DOCK4: variants seen among roughly 807,000 people sequenced by gnomAD.
DOCK4 encodes dedicator of cytokinesis protein 4.
In DOCK4, 97 loss-of-function variants were observed where a neutral mutation model predicts 268.1. That is an observed-to-expected ratio of 0.36 (90% CI 0.31 to 0.43). The LOEUF (loss-of-function observed/expected upper bound fraction) is 0.43, where lower values mean the gene tolerates loss of function less well. Ranked by LOEUF, DOCK4 falls within the 20% of genes least tolerant of loss-of-function variation. The pLI, the probability that DOCK4 is intolerant of heterozygous loss-of-function variation, is 1.00. For synonymous variants in DOCK4, 954 were observed against 887.2 expected, an observed-to-expected ratio of 1.08 and a Z score of -1.34; for missense variants, 2,145 against 2,455.7, an observed-to-expected ratio of 0.87 and a Z score of 2.67.
intron 8 of DOCK4, among the ~76,000 whole-genome samples, chr7:111,974,388 G>A (rs1383931620): frequency 6.6e-6 from 1 of 151,982 alleles, no homozygotes; most frequent in Non-Finnish European, 1.5e-5. Context: ...GAGTTTGAGA[G>A]GTGAGAGCCA....
In DOCK4 at chr7:111,914,241, A is replaced by G. The variant is rs112855244; in HGVS notation, c.1192+1538T>C. On this transcript the variant is annotated intron_variant, in intron 13 of 52. Coordinates refer to ENST00000428084, the MANE Select transcript of DOCK4 (RefSeq NM_001363540.2). ...CATCTCCACTGCTAACACCTTGCTC[A>G]ACACCATGATCACCACTTACCTGGA... 9.2e-3 allele frequency among the ~76,000 whole-genome samples: 1,396 copies of G among 152,164 alleles called. 23 individuals carry two copies. Among genetic ancestry groups the G allele is most frequent in the African/African-American group, 0.031 (1,299 of 41,502 alleles).
intron 27 of DOCK4, among the ~76,000 whole-genome samples, chr7:111,814,803 A>G (rs1801417007): frequency 6.6e-6 from 1 of 152,210 alleles, no homozygotes; most frequent in Admixed American, 6.5e-5. Flanking sequence ...TTAGGCAGAA[A>G]GAGGCACAGG....
At chr7:112,203,939 T>C (rs950520206) in intron 1 of DOCK4, among the ~76,000 whole-genome samples, 2 of 152,030 alleles carry the variant, frequency 1.3e-5, no homozygotes, top group African/African-American at 2.4e-5. Context: ...TAATAAAGGT[T>C]AATTAACATT....
At chr7:111,871,226 T>C (rs1383930717) in intron 20 of DOCK4, among the ~76,000 whole-genome samples, 1 of 152,040 alleles carries the variant, frequency 6.6e-6, no homozygotes, top group Admixed American at 6.5e-5. Context: ...AAGGTAGAAA[T>C]ATGGGAGAAC....
chr7:112,195,171 C>T (rs774066633), intron 1 of DOCK4, among the ~76,000 whole-genome samples: 9 of 152,184 alleles, frequency 5.9e-5, no homozygotes, highest in East Asian at 1.9e-4. Context: ...CCCAGCTACT[C>T]GGGAGGCTGA....
At chr7:111,791,747 C>G (rs1799565958) in intron 30 of DOCK4, among the ~76,000 whole-genome samples, 1 of 152,138 alleles carries the variant, frequency 6.6e-6, no homozygotes, top group African/African-American at 2.4e-5. Flanking sequence ...CGCGCCCAGC[C>G]TGTTTTTTAA....
chr7:111,977,044 A>T, intron 8 of DOCK4, 88 bp downstream of exon 8: 1 of 1,425,026 alleles, frequency 7.0e-7, no homozygotes, highest in Non-Finnish European at 9.4e-7. Flanking sequence ...TAAAAAATAT[A>T]CAAGATATAT....
chr7:111,993,631 A>G (rs910166187), intron 5 of DOCK4, among the ~76,000 whole-genome samples: 4 of 152,210 alleles, frequency 2.6e-5, no homozygotes, highest in Non-Finnish European at 5.9e-5. Context: ...CAATGTGATT[A>G]CTTATAGTAA....
At chr7:112,179,940 T>A (rs1199764241) in intron 1 of DOCK4, among the ~76,000 whole-genome samples, 1 of 152,128 alleles carries the variant, frequency 6.6e-6, no homozygotes, top group Non-Finnish European at 1.5e-5. Context: ...AACTGACAAG[T>A]TGTCAATCTA....
chr7:112,100,597 C>T (rs533794710), intron 1 of DOCK4, among the ~76,000 whole-genome samples: 31 of 152,292 alleles, frequency 2.0e-4, no homozygotes, highest in African/African-American at 6.3e-4. Flanking sequence ...CAAAAGATGG[C>T]GACGTACTTT....
intron 47 of DOCK4, among the ~76,000 whole-genome samples, chr7:111,740,761 G>C (rs899713465): frequency 2.5e-5 from 1 of 39,942 alleles, no homozygotes; most frequent in Admixed American, 2.8e-4. Context: ...AAAAAAAAAA[G>C]GCAAGCTAAG....
intron 5 of DOCK4, among the ~76,000 whole-genome samples, chr7:111,993,276 A>G (rs536787691): frequency 7.9e-5 from 12 of 152,332 alleles, no homozygotes; most frequent in African/African-American, 2.9e-4. Context: ...CAGGATAAGC[A>G]CACGTTTGTA....
chr7:111,951,661 AAAG>A (rs1014926889), intron 8 of DOCK4, among the ~76,000 whole-genome samples: 14 of 150,744 alleles, frequency 9.3e-5, no homozygotes, highest in East Asian at 1.9e-4. Flanking sequence ...AAAAAAAAAA[AAAG>A]AAGAAGAAAG....
chr7:112,145,208 C>G (rs1336574673), intron 1 of DOCK4, among the ~76,000 whole-genome samples: 1 of 152,100 alleles, frequency 6.6e-6, no homozygotes, highest in African/African-American at 2.4e-5. Flanking sequence ...GAATCAAAGA[C>G]AATTTGCCTC....
intron 1 of DOCK4, among the ~76,000 whole-genome samples, chr7:112,102,538 T>A (rs1261189679): frequency 3.3e-5 from 5 of 152,064 alleles, no homozygotes; most frequent in Admixed American, 3.3e-4. Flanking sequence ...GCTGTAAGAG[T>A]AGAGTCGTCA....
intron 12 of DOCK4, among the ~76,000 whole-genome samples, chr7:111,926,818 G>A (rs959975132): frequency 6.7e-5 from 10 of 148,198 alleles, no homozygotes; most frequent in Non-Finnish European, 8.9e-5. Flanking sequence ...TGGCGACAGC[G>A]TGAGGCAAAG....
chr7:111,778,786 G>C (rs528550357), intron 35 of DOCK4, among the ~76,000 whole-genome samples: 1 of 152,282 alleles, frequency 6.6e-6, no homozygotes, highest in South Asian at 2.1e-4. Context: ...GCTGGGCACG[G>C]TGGCTCATGC....
At position 112,135,108 on chromosome 7, in the gene DOCK4, C is replaced by T. The variant is rs551527643; in HGVS notation, c.37+70994G>A. Among the ~76,000 whole-genome samples the T allele has an allele frequency of 2.6e-5, 4 of 151,900 alleles. No individual in the cohort carries two copies. The East Asian group carries it at 5.8e-4, about 22-fold the overall frequency. ...TTCTAAATCCTTAGTTTAATTTTGC[C>T]TTAAGGCATAATTTGTTTTAACTGA... is the stretch of plus-strand genomic sequence containing the variant. On this transcript the variant is annotated intron_variant, in intron 1 of 52. Transcript: ENST00000428084.
At chr7:112,037,282 A>C (rs1488004083) in intron 1 of DOCK4, among the ~76,000 whole-genome samples, 1 of 152,200 alleles carries the variant, frequency 6.6e-6, no homozygotes, top group Non-Finnish European at 1.5e-5. Flanking sequence ...AGGTGTATTA[A>C]ATACATTTTC....
Sources: allele counts gnomAD v4.1 joint callset (sites outside exome capture counted in the v4.1 genomes callset), GRCh38; gene constraint gnomAD v4.1.1; transcripts MANE v1.5; gene names NCBI Gene and HGNC (gene_info 2026-07-23, HGNC 2026-07-21).